The following YEATS2 variants were observed in gnomAD, a reference collection of about 807,000 sequenced individuals.
The protein encoded by YEATS2 is YEATS domain-containing protein 2.
YEATS2 carries 77 observed loss-of-function variants against 163.2 expected under a neutral mutation model. The observed-to-expected ratio is 0.47, with a 90% CI of 0.39 to 0.57. The LOEUF (loss-of-function observed/expected upper bound fraction) is 0.57, where lower values mean the gene tolerates loss of function less well. Ranked by LOEUF, YEATS2 falls within the 20% of genes least tolerant of loss-of-function variation. The pLI is 0.00. For synonymous variants in YEATS2, 631 were observed against 645.1 expected, an observed-to-expected ratio of 0.98 and a Z score of 0.33; for missense variants, 1,549 against 1,729.8, an observed-to-expected ratio of 0.90 and a Z score of 1.85.
chr3:183,710,985 C>G (rs571357506), intron 1 of YEATS2, among the ~76,000 whole-genome samples: 3 of 152,132 alleles, frequency 2.0e-5, no homozygotes, highest in Admixed American at 1.3e-4. Context: ...CTATATCCAC[C>G]TCTGATTCTA....
intron 1 of YEATS2, among the ~76,000 whole-genome samples, chr3:183,714,425 T>C (rs1307115873): frequency 6.6e-6 from 1 of 151,700 alleles, no homozygotes; most frequent in African/African-American, 2.4e-5. Flanking sequence ...CTCAATCTCC[T>C]GACCTCGTGA....
intron 4 of YEATS2, among the ~76,000 whole-genome samples, chr3:183,718,848 C>T (rs936632272): frequency 2.0e-5 from 3 of 152,146 alleles, no homozygotes; most frequent in Admixed American, 6.5e-5. Flanking sequence ...GCGTGTGCCA[C>T]CATGCCCAGC....
chr3:183,781,074 A>G (rs963945798), intron 19 of YEATS2, among the ~76,000 whole-genome samples: 1 of 152,184 alleles, frequency 6.6e-6, no homozygotes, highest in South Asian at 2.1e-4. Flanking sequence ...ACAAATGACA[A>G]TTTTATTAGG....
intron 1 of YEATS2, among the ~76,000 whole-genome samples, chr3:183,709,151 ACT>A (rs1284182357): frequency 2.0e-5 from 3 of 150,138 alleles, no homozygotes; most frequent in Non-Finnish European, 1.5e-5. Flanking sequence ...CAAAAGTGAG[ACT>A]CTGTCTCAAA....
intron 1 of YEATS2, among the ~76,000 whole-genome samples, chr3:183,702,430 G>A (rs1003554497): frequency 2.7e-5 from 4 of 149,408 alleles, no homozygotes; most frequent in African/African-American, 9.9e-5. Context: ...GGGCGACATA[G>A]TGAGACACTG....
Position 183,751,385 on chromosome 3 carries a change from C to T in YEATS2, c.970-688C>T, listed in dbSNP as rs369831237. Among the ~76,000 whole-genome samples, 21 of 152,326 alleles carry T rather than the reference C, an allele frequency of 1.4e-4. 1 individual carries two copies. The highest frequency in any genetic ancestry group is 5.2e-4 in the Admixed American group (8 of 15,300). On this transcript the variant is annotated intron_variant, in intron 9 of 30. Coordinates refer to ENST00000305135, the MANE Select transcript of YEATS2 (RefSeq NM_018023.5). Reference sequence around the variant, plus strand: ...CTGAGACCTCCAACTTTGTTCTTCACCTTCTCTCCCTTTTTTTGTATTCAT... The same window carrying T: ...CTGAGACCTCCAACTTTGTTCTTCATCTTCTCTCCCTTTTTTTGTATTCAT...
At chr3:183,793,959 G>A (rs1455051400) in intron 21 of YEATS2, among the ~76,000 whole-genome samples, 1 of 152,142 alleles carries the variant, frequency 6.6e-6, no homozygotes, top group African/African-American at 2.4e-5. Context: ...AAAACCAGCA[G>A]TTTTTCAATT....
At chr3:183,744,102 C>CTTTTTTTTTTTTTTTT (rs562807575) in intron 8 of YEATS2, among the ~76,000 whole-genome samples, 1 of 56,002 alleles carries the variant, frequency 1.8e-5, no homozygotes, top group Non-Finnish European at 3.0e-5. Context: ...TTTAGTTTTG[C>CTTTTTTTTTTTTTTTT]TTTTTTTTTT....
intron 10 of YEATS2, among the ~76,000 whole-genome samples, chr3:183,753,294 T>A (rs853769): frequency 0.44 from 66,600 of 152,046 alleles, 14,988 homozygotes; most frequent in East Asian, 0.65. Context: ...ATACATATTT[T>A]AATGTTCCCA....
intron 19 of YEATS2, 94 bp from the exon 20 acceptor site, chr3:183,786,031 C>T: frequency 7.1e-7 from 1 of 1,403,666 alleles, no homozygotes; most frequent in Non-Finnish European, 9.7e-7. Flanking sequence ...GGTTATTCTC[C>T]AAGTCATGGG....
intron 19 of YEATS2, among the ~76,000 whole-genome samples, chr3:183,778,314 A>G (rs1458367153): frequency 6.6e-6 from 1 of 152,156 alleles, no homozygotes; most frequent in Admixed American, 6.6e-5. Flanking sequence ...ACAAAATGAG[A>G]AGCATGGTCA....
chr3:183,750,115 C>T (rs771227492), intron 9 of YEATS2, among the ~76,000 whole-genome samples: 6 of 151,984 alleles, frequency 3.9e-5, no homozygotes, highest in South Asian at 2.1e-4. Context: ...TGAGCCACCG[C>T]GCCCGGCCTA....
intron 8 of YEATS2, among the ~76,000 whole-genome samples, chr3:183,744,564 G>C (rs12233533): frequency 0.16 from 23,822 of 152,160 alleles, 2,040 homozygotes; most frequent in East Asian, 0.31. Context: ...TTTGGTGGAA[G>C]ATTATTGGAG....
intron 7 of YEATS2, among the ~76,000 whole-genome samples, chr3:183,734,780 G>A (rs1032687925): frequency 1.1e-4 from 17 of 152,242 alleles, no homozygotes; most frequent in Admixed American, 9.2e-4. Context: ...GTCGAGCAGG[G>A]AGCTGTACTC....
intron 15 of YEATS2, among the ~76,000 whole-genome samples, chr3:183,769,209 C>T (rs947829888): frequency 6.6e-6 from 1 of 152,166 alleles, no homozygotes; most frequent in African/African-American, 2.4e-5. Flanking sequence ...GCATTTTACT[C>T]ATCTTAATTT....
Position 183,810,988 on chromosome 3 carries a change from G to A in YEATS2, c.*405G>A, listed in dbSNP as rs1441527790. On this transcript the variant is annotated 3_prime_UTR_variant, in exon 31 of 31. Transcript: ENST00000305135. ...GATTTCACCCATTTTGTGGGCTGGA[G>A]TTACCAGTAGCTCCAGCAGTTACCC... is the stretch of plus-strand genomic sequence containing the variant. 9.8e-6 allele frequency: 2 copies of A among 204,502 alleles called. No homozygotes were observed. Among genetic ancestry groups the A allele is most frequent in the East Asian group, 2.7e-4 (2 of 7,396 alleles). The allele number at this position is 204,502 out of a possible 1,614,324, so 12.7% of individuals were successfully genotyped here.
At chr3:183,749,975 G>A (rs1292244427) in intron 9 of YEATS2, among the ~76,000 whole-genome samples, 4 of 151,752 alleles carry the variant, frequency 2.6e-5, no homozygotes, top group South Asian at 2.1e-4. Flanking sequence ...CTGCCACCAC[G>A]CCCGGCTAAT....
chr3:183,788,827 G>A (rs981962924), intron 20 of YEATS2, among the ~76,000 whole-genome samples: 25 of 152,162 alleles, frequency 1.6e-4, no homozygotes, highest in African/African-American at 5.3e-4. Flanking sequence ...ATTTTAACTG[G>A]GTGGGATGCT....
chr3:183,737,316 G>A (rs910450506), intron 8 of YEATS2, among the ~76,000 whole-genome samples: 1 of 152,166 alleles, frequency 6.6e-6, no homozygotes, highest in African/African-American at 2.4e-5. Flanking sequence ...TTCAAAGTGG[G>A]AGTGTTAGGT....
Sources: gnomAD v4.1 joint callset for allele counts (sites outside exome capture counted in the v4.1 genomes callset) on GRCh38, gnomAD v4.1.1 for gene constraint, MANE v1.5 for transcripts, NCBI Gene and HGNC (gene_info 2026-07-23, HGNC 2026-07-21) for gene names.